COL28A1: variants seen among roughly 807,000 people sequenced by gnomAD.
COL28A1 encodes the protein collagen alpha-1(XXVIII) chain.
In COL28A1, 161 loss-of-function variants were observed where a neutral mutation model predicts 150.2. That is an observed-to-expected ratio of 1.07 (90% CI 0.94 to 1.22). COL28A1 has a LOEUF of 1.22. Among genes scored for constraint, COL28A1 ranks in the 50% most tolerant of loss-of-function variants. The pLI, the probability that COL28A1 is intolerant of heterozygous loss-of-function variation, is 0.00. For synonymous variants in COL28A1, 552 were observed against 469.7 expected (o/e 1.18, Z -2.26); for missense variants, 1,617 against 1,388.3 (o/e 1.16, Z -2.62).
Position 7,373,389 on chromosome 7 carries a change from T to G in COL28A1, c.2517A>C (p.Ile839=), listed in dbSNP as rs1268661112. The G allele has an allele frequency of 6.2e-7, 1 of 1,614,176 alleles. No individual in the cohort carries two copies. The highest frequency in any genetic ancestry group is 1.7e-5 in the Admixed American group (1 of 60,024). ...TCTCCACCTTATGGCTATAGTTGAT[T>G]ATGCCTATGCGGGCCGTGGCAAGGT... The part of the protein sequence containing the change: ...ALDLATARIG[I]INYSHKVEKV... Residue 839 remains isoleucine (I), a synonymous_variant, in exon 32 of 35, where the codon ATA becomes ATC. Transcript: ENST00000399429. The surrounding 1 kb of genome is among the most constrained non-coding windows in gnomAD (Gnocchi z 4.1).
At chr7:7,433,634 AT>A (rs1225288778) in intron 23 of COL28A1, among the ~76,000 whole-genome samples, 5 of 131,178 alleles carry the variant, frequency 3.8e-5, no homozygotes, top group African/African-American at 1.7e-4. Context: ...GCTCTGTCTC[AT>A]TTAAAAAAAA....
chr7:7,339,164 C>A, the COL28A1 span, among the ~76,000 whole-genome samples: 1 of 152,100 alleles, frequency 6.6e-6, no homozygotes, highest in Non-Finnish European at 1.5e-5. Context: ...AGTTTTGAAG[C>A]CATTTGTTAT....
At position 7,429,446 on chromosome 7, in the gene COL28A1, T is replaced by TC. The variant is rs1491401275; in HGVS notation, c.1998+3026_1998+3027insG. The stretch of plus-strand genomic sequence containing the variant: ...CTCTCTCACATACACACACACTCTC[T>TC]TTCTCTCTGTGCTCTGTGTGTGTGT... On this transcript the variant is annotated intron_variant, in intron 25 of 34. Coordinates refer to ENST00000399429, the MANE Select transcript of COL28A1 (RefSeq NM_001037763.3). Among the ~76,000 whole-genome samples the TC allele has an allele frequency of 2.0e-3, 200 of 100,514 alleles. 1 individual carries two copies. Among genetic ancestry groups the TC allele is most frequent in the African/African-American group, 0.011 (184 of 17,030 alleles). 65.9% of individuals were successfully genotyped at this position (100,514 alleles called of 152,430 possible).
At chr7:7,346,202 A>T in the COL28A1 span, among the ~76,000 whole-genome samples, 1 of 151,868 alleles carries the variant, frequency 6.6e-6, no homozygotes. Context: ...ACCCCTTAAT[A>T]TCTCATTAGC....
intron 11 of COL28A1, among the ~76,000 whole-genome samples, chr7:7,500,502 A>G (rs1039182391): frequency 6.6e-6 from 1 of 152,196 alleles, no homozygotes; most frequent in Non-Finnish European, 1.5e-5. Context: ...AATGGTTCCT[A>G]TCTGAAAGAA....
chr7:7,398,825 C>A (rs151236433), intron 27 of COL28A1, among the ~76,000 whole-genome samples: 6 of 152,180 alleles, frequency 3.9e-5, no homozygotes, highest in African/African-American at 9.6e-5. Flanking sequence ...GCCATCTGCA[C>A]GATGCAGTCT....
At chr7:7,406,445 G>T (rs1207807637) in intron 27 of COL28A1, among the ~76,000 whole-genome samples, 1 of 152,102 alleles carries the variant, frequency 6.6e-6, no homozygotes, top group African/African-American at 2.4e-5. Context: ...AGGAGAGGGG[G>T]ATAAAAGAAA....
chr7:7,342,338 G>T, the COL28A1 span, among the ~76,000 whole-genome samples: 1 of 151,716 alleles, frequency 6.6e-6, no homozygotes. Context: ...TTTTAGATTT[G>T]TCTCTGGTAA....
intron 11 of COL28A1, among the ~76,000 whole-genome samples, chr7:7,491,674 G>A (rs1424923036): frequency 6.6e-6 from 1 of 152,156 alleles, no homozygotes. Context: ...TCACAGGTGA[G>A]AAACCCAAGT....
intron 14 of COL28A1, 143 bp from the exon 15 acceptor site, chr7:7,474,812 T>A (rs1271543829): frequency 3.9e-5 from 23 of 596,646 alleles, no homozygotes; most frequent in Non-Finnish European, 5.9e-5. Context: ...AAATGGGTAA[T>A]TCTAATTGAC....
At chr7:7,434,378 A>C (rs1785196165) in intron 23 of COL28A1, among the ~76,000 whole-genome samples, 1 of 152,182 alleles carries the variant, frequency 6.6e-6, no homozygotes, top group African/African-American at 2.4e-5. Flanking sequence ...TTAAGGATGA[A>C]GCTCTAAACA....
chr7:7,487,691 C>T (rs901246266), intron 13 of COL28A1, among the ~76,000 whole-genome samples: 9 of 152,168 alleles, frequency 5.9e-5, no homozygotes, highest in Non-Finnish European at 1.3e-4. Context: ...AAATTTGAGA[C>T]TTCGCTAAAT....
At chr7:7,529,725 T>C (rs1404966518) in intron 3 of COL28A1, among the ~76,000 whole-genome samples, 1 of 152,154 alleles carries the variant, frequency 6.6e-6, no homozygotes, top group Non-Finnish European at 1.5e-5. Flanking sequence ...CTCTTATCCA[T>C]CTTAAGGTGA....
At chr7:7,520,611 C>T (rs75783931) in intron 5 of COL28A1, among the ~76,000 whole-genome samples, 1,664 of 152,240 alleles carry the variant, frequency 0.011, 31 homozygotes, top group African/African-American at 0.038. Context: ...TAATCCTGTT[C>T]CAGAAAAGCA....
intron 18 of COL28A1, among the ~76,000 whole-genome samples, chr7:7,446,932 A>G (rs1786306949): frequency 6.6e-6 from 1 of 152,192 alleles, no homozygotes; most frequent in Non-Finnish European, 1.5e-5. Flanking sequence ...TCAGCTGAAT[A>G]TTGCTCAGTA....
intron 33 of COL28A1, among the ~76,000 whole-genome samples, chr7:7,367,643 T>A (rs1408947695): frequency 1.3e-5 from 2 of 152,100 alleles, no homozygotes; most frequent in Non-Finnish European, 2.9e-5. Context: ...ACTAGAAAGC[T>A]TCATATGTCC....
At chr7:7,400,975 GGTGTGT>G (rs60064708) in intron 27 of COL28A1, among the ~76,000 whole-genome samples, 5,766 of 119,024 alleles carry the variant, frequency 0.048, 172 homozygotes, top group Non-Finnish European at 0.057. Context: ...TGGGTATTTG[GGTGTGT>G]GTGTGTGTGT....
intron 15 of COL28A1, 58 bp downstream of exon 15, chr7:7,474,542 TA>T: frequency 1.2e-6 from 1 of 837,620 alleles, no homozygotes. Flanking sequence ...TGTACATACA[TA>T]AAGAACAATG....
At chr7:7,394,794 C>T (rs1056984764) in intron 27 of COL28A1, among the ~76,000 whole-genome samples, 1 of 152,188 alleles carries the variant, frequency 6.6e-6, no homozygotes, top group African/African-American at 2.4e-5. Context: ...GAGTTCATGC[C>T]TTCCCAAGGT....
Sources: gnomAD v4.1 joint callset for allele counts (sites outside exome capture counted in the v4.1 genomes callset) on GRCh38, gnomAD v4.1.1 for gene constraint, Gnocchi (gnomAD v3.1) non-coding constraint, MANE v1.5 for transcripts, NCBI Gene and HGNC (gene_info 2026-07-23, HGNC 2026-07-21) for gene names.